Variants in RAP2B observed in about 807,000 individuals in gnomAD.
The protein encoded by RAP2B is RAP2B, member of RAS oncogene family, also known as ras-related protein Rap-2b.
A neutral mutation model predicts 14.4 loss-of-function variants in RAP2B; 6 were observed. The observed-to-expected ratio is 0.42, with a 90% CI of 0.23 to 0.82. The LOEUF (loss-of-function observed/expected upper bound fraction) is 0.82. Ranked by LOEUF, RAP2B falls within the 40% of genes least tolerant of loss-of-function variation. The pLI, the probability that RAP2B is intolerant of heterozygous loss-of-function variation, is 0.30. For synonymous variants in RAP2B, 118 were observed against 113.2 expected, an observed-to-expected ratio of 1.04 and a Z score of -0.27; for missense variants, 137 against 248.2, an observed-to-expected ratio of 0.55 and a Z score of 3.01.
rs752386691 is a variant in RAP2B, at chr3:153,163,119, C to T, written c.426C>T (p.Phe142=). Residue 142 remains phenylalanine, a synonymous_variant, in exon 1 of 1, where the codon TTC becomes TTT. Coordinates refer to ENST00000323534, the MANE Select transcript of RAP2B (RefSeq NM_002886.4). ...KALAEEWSCP[F]METSAKNKAS... is the part of the protein sequence containing the mutation. ...TGGCTGAGGAGTGGAGCTGCCCCTT[C>T]ATGGAGACGTCGGCCAAAAACAAAG... 6.2e-7 allele frequency: 1 copy of T among 1,613,588 alleles called. No homozygotes were observed. Among genetic ancestry groups the T allele is most frequent in the South Asian group, 1.1e-5 (1 of 91,082 alleles).
rs1713462400 is a variant in RAP2B at position 153,163,274 on chromosome 3, G to A, written c.*29G>A. 1.3e-6 allele frequency: 2 copies of A among 1,500,244 alleles called. No individual in the cohort carries two copies. Among genetic ancestry groups the A allele is most frequent in the East Asian group, 4.9e-5 (2 of 41,078 alleles). The allele number at this position is 1,500,244 out of a possible 1,614,324, so 92.9% of individuals were successfully genotyped here. ...GGCCACCGCGCGCCGGCCGCGCTCTGCGCACAAAAGCCAAACGCATCCGAC... is the reference window on the plus strand; with the variant it reads ...GGCCACCGCGCGCCGGCCGCGCTCTACGCACAAAAGCCAAACGCATCCGAC... On this transcript the variant is annotated 3_prime_UTR_variant, in exon 1 of 1. Coordinates refer to ENST00000323534, the MANE Select transcript of RAP2B (RefSeq NM_002886.4).
chr3:153,162,629 C>G lies in RAP2B; in HGVS notation c.-65C>G, dbSNP rs1713441188. On this transcript the variant is annotated 5_prime_UTR_variant, in exon 1 of 1. Coordinates refer to ENST00000323534, the MANE Select transcript of RAP2B (RefSeq NM_002886.4). This position sits in a 1 kb window ranked among gnomAD's most constrained non-coding sequence, Gnocchi z 4.9. ...GGAAGAGAAGTCCAGCCGCCAAGCC[C>G]AGCCTTCCCCGGCGCGCAGCCCCGA... The G allele has an allele frequency of 2.7e-6, 4 of 1,505,492 alleles. No homozygotes were observed. The highest frequency in any genetic ancestry group is 3.5e-6 in the Non-Finnish European group (4 of 1,129,588). 93.3% of individuals were successfully genotyped at this position (1,505,492 alleles called of 1,614,324 possible).
chr3:153,166,463 A>G lies in RAP2B; in HGVS notation c.*3218A>G, dbSNP rs1713580303. 6.0e-6 allele frequency: 1 copy of G among 167,054 alleles called. No homozygotes were observed. The highest frequency in any genetic ancestry group is 1.5e-5 in the Non-Finnish European group (1 of 68,104). The allele number at this position is 167,054 out of a possible 1,614,324, so 10.3% of individuals were successfully genotyped here. Reference sequence around the variant, plus strand: ...AAGGCAATCACCTGTCAAAACAGAAATTGGGTGGGAAAGGAGTCTTTATCT... The same window carrying G: ...AAGGCAATCACCTGTCAAAACAGAAGTTGGGTGGGAAAGGAGTCTTTATCT... On this transcript the variant is annotated 3_prime_UTR_variant, in exon 1 of 1. Coordinates refer to ENST00000323534, the MANE Select transcript of RAP2B (RefSeq NM_002886.4).
rs539020873 is a variant in RAP2B at position 153,164,477 on chromosome 3, T to G, written c.*1232T>G. On this transcript the variant is annotated 3_prime_UTR_variant, in exon 1 of 1. Coordinates refer to ENST00000323534, the MANE Select transcript of RAP2B (RefSeq NM_002886.4). ...CAGCCTTTAAAATGTAATTTCCATC[T>G]CTTGCAATGAATTTGTTTCCCTTTT... is the stretch of plus-strand genomic sequence containing the variant. 1.9e-4 allele frequency: 32 copies of G among 167,238 alleles called. No homozygotes were observed. Among genetic ancestry groups the G allele is most frequent in the Admixed American group, 6.5e-4 (10 of 15,314 alleles). 10.4% of individuals were successfully genotyped at this position (167,238 alleles called of 1,614,324 possible). A position where few individuals can be genotyped will look rare whatever the true frequency, so the allele number is the denominator to read the frequency against.
chr3:153,164,599 G>A lies in RAP2B; in HGVS notation c.*1354G>A, dbSNP rs957186986. 1.2e-5 allele frequency: 2 copies of A among 166,858 alleles called. No homozygotes were observed. The highest frequency in any genetic ancestry group is 1.3e-4 in the Admixed American group (2 of 15,262). 10.3% of individuals were successfully genotyped at this position (166,858 alleles called of 1,614,324 possible). A position where few individuals can be genotyped will look rare whatever the true frequency, so the allele number is the denominator to read the frequency against. On this transcript the variant is annotated 3_prime_UTR_variant, in exon 1 of 1. Coordinates refer to ENST00000323534, the MANE Select transcript of RAP2B (RefSeq NM_002886.4). The stretch of plus-strand genomic sequence containing the variant: ...CCTGTTGTAGGGTGTTCCTCCAGAA[G>A]CAAAGAGCAAAATTTTACTGTTGTG...
rs930105521 is a variant in RAP2B, at chr3:153,165,872, G to T, written c.*2627G>T. ...AAAGTAGATCCAAAGTGTTAAAAATGCTGAAGTCATGTCAAGTACTGTCTG... is the reference window on the plus strand; with the variant it reads ...AAAGTAGATCCAAAGTGTTAAAAATTCTGAAGTCATGTCAAGTACTGTCTG... On this transcript the variant is annotated 3_prime_UTR_variant, in exon 1 of 1. Coordinates refer to ENST00000323534, the MANE Select transcript of RAP2B (RefSeq NM_002886.4). 6.0e-6 allele frequency: 1 copy of T among 167,088 alleles called. No homozygotes were observed. The allele number at this position is 167,088 out of a possible 1,614,324, so 10.4% of individuals were successfully genotyped here. A position where few individuals can be genotyped will look rare whatever the true frequency, so the allele number is the denominator to read the frequency against.
In RAP2B at chr3:153,163,417, G is replaced by C; in HGVS notation, c.*172G>C. On this transcript the variant is annotated 3_prime_UTR_variant, in exon 1 of 1. Coordinates refer to ENST00000323534, the MANE Select transcript of RAP2B (RefSeq NM_002886.4). ...CGTCCCCTGCCTCCACCCTGTGCCC[G>C]AGGGGGTGTCCGGTCCTGCCCATCC... 1.2e-6 allele frequency: 1 copy of C among 846,708 alleles called. No individual in the cohort carries two copies. The highest frequency in any genetic ancestry group is 2.7e-5 in the East Asian group (1 of 36,796). The allele number at this position is 846,708 out of a possible 1,614,324, so 52.4% of individuals were successfully genotyped here. A position where few individuals can be genotyped will look rare whatever the true frequency, so the allele number is the denominator to read the frequency against.
Position 153,162,998 on chromosome 3 carries a change from G to C in RAP2B, c.305G>C (p.Arg102Pro). Residue 102 changes from arginine (R) to proline (P), a missense_variant, in exon 1 of 1, where the codon CGC becomes CCC. Transcript: ENST00000323534. This position sits in a 1 kb window ranked among gnomAD's most constrained non-coding sequence, Gnocchi z 4.9. Reference sequence around the variant, plus strand: ...AAGCCCATGCGGGACCAGATCATCCGCGTGAAGCGGTACGAGCGCGTGCCC... The same window carrying C: ...AAGCCCATGCGGGACCAGATCATCCCCGTGAAGCGGTACGAGCGCGTGCCC... The part of the protein sequence containing the change: ...DIKPMRDQII[R>P]VKRYERVPMI... The C allele has an allele frequency of 6.2e-7, 1 of 1,614,184 alleles. No individual in the cohort carries two copies. The highest frequency in any genetic ancestry group is 8.5e-7 in the Non-Finnish European group (1 of 1,180,046).
rs1288988940 is a variant in RAP2B, at chr3:153,164,054, AATGGTAGT to A, written c.*812_*819del. The A allele has an allele frequency of 1.8e-5, 3 of 166,284 alleles. No individual in the cohort carries two copies. In the East Asian group the frequency reaches 5.8e-4, roughly 32 times the overall value. 10.3% of individuals were successfully genotyped at this position (166,284 alleles called of 1,614,324 possible). ...TGTATCAAAGGGGAGTCTGGGGGAG[AATGGTAGT>A]ATTTTTTTTTTTTATCAGCTGTGAA... is the stretch of plus-strand genomic sequence containing the variant. On this transcript the variant is annotated 3_prime_UTR_variant, in exon 1 of 1. Transcript: ENST00000323534.
chr3:153,166,485 A>T lies in RAP2B; in HGVS notation c.*3240A>T, dbSNP rs1027329388. On this transcript the variant is annotated 3_prime_UTR_variant, in exon 1 of 1. Transcript: ENST00000323534. ...GAAATTGGGTGGGAAAGGAGTCTTT[A>T]TCTTGGGGAGCAAAAGCTGACTTTT... The T allele has an allele frequency of 1.2e-5, 2 of 167,048 alleles. No homozygotes were observed. Among genetic ancestry groups the T allele is most frequent in the African/African-American group, 4.8e-5 (2 of 41,460 alleles). 10.3% of individuals were successfully genotyped at this position (167,048 alleles called of 1,614,324 possible).
At position 153,163,444 on chromosome 3, in the gene RAP2B, A is replaced by G. The variant is rs1415121547; in HGVS notation, c.*199A>G. On this transcript the variant is annotated 3_prime_UTR_variant, in exon 1 of 1. Transcript: ENST00000323534. ...GGGGGTGTCCGGTCCTGCCCATCCG[A>G]TACTCTGGTGGAAATGTGGCTCTTT... is the stretch of plus-strand genomic sequence containing the variant. 3.0e-6 allele frequency: 2 copies of G among 662,578 alleles called. No individual in the cohort carries two copies. The highest frequency in any genetic ancestry group is 5.1e-6 in the Non-Finnish European group (2 of 392,110). 41.0% of individuals were successfully genotyped at this position (662,578 alleles called of 1,614,324 possible). A position where few individuals can be genotyped will look rare whatever the true frequency, so the allele number is the denominator to read the frequency against.
chr3:153,167,093 G>T lies in RAP2B; in HGVS notation c.*3848G>T. The stretch of plus-strand genomic sequence containing the variant: ...ACTGTTAAAACGATACCAGACATTT[G>T]TCACAGTGTCTTATTTGGGGAAAGT... On this transcript the variant is annotated 3_prime_UTR_variant, in exon 1 of 1. Transcript: ENST00000323534. 1 of 167,124 alleles carries T rather than the reference G, an allele frequency of 6.0e-6. No homozygotes were observed. 10.4% of individuals were successfully genotyped at this position (167,124 alleles called of 1,614,324 possible). A position where few individuals can be genotyped will look rare whatever the true frequency, so the allele number is the denominator to read the frequency against.
Position 153,163,606 on chromosome 3 carries a change from A to T in RAP2B, c.*361A>T. 1.2e-5 allele frequency: 2 copies of T among 173,528 alleles called. No individual in the cohort carries two copies. The highest frequency in any genetic ancestry group is 2.6e-5 in the Non-Finnish European group (2 of 76,862). 10.7% of individuals were successfully genotyped at this position (173,528 alleles called of 1,614,324 possible). On this transcript the variant is annotated 3_prime_UTR_variant, in exon 1 of 1. Coordinates refer to ENST00000323534, the MANE Select transcript of RAP2B (RefSeq NM_002886.4). ...GAAAAAAAATGGGGGGGAAGGGTGGATGAAAAGGAGGGAGAGAAGGTGGAA... is the reference window on the plus strand; with the variant it reads ...GAAAAAAAATGGGGGGGAAGGGTGGTTGAAAAGGAGGGAGAGAAGGTGGAA...
chr3:153,164,300 C>T lies in RAP2B; in HGVS notation c.*1055C>T, dbSNP rs1457041729. 6.0e-6 allele frequency: 1 copy of T among 167,066 alleles called. No homozygotes were observed. The highest frequency in any genetic ancestry group is 2.4e-5 in the African/African-American group (1 of 41,438). The allele number at this position is 167,066 out of a possible 1,614,324, so 10.3% of individuals were successfully genotyped here. Reference sequence around the variant, plus strand: ...CTGTGTCTGCAGAGTGCCTTCAAAACTCAGCTGTTCCAGCCGGTGCCAACC... The same window carrying T: ...CTGTGTCTGCAGAGTGCCTTCAAAATTCAGCTGTTCCAGCCGGTGCCAACC... On this transcript the variant is annotated 3_prime_UTR_variant, in exon 1 of 1. Coordinates refer to ENST00000323534, the MANE Select transcript of RAP2B (RefSeq NM_002886.4).
chr3:153,167,608 G>T lies in RAP2B; in HGVS notation c.*4363G>T, dbSNP rs534976580. 6.0e-6 allele frequency: 1 copy of T among 167,084 alleles called. No homozygotes were observed. The highest frequency in any genetic ancestry group is 6.5e-5 in the Admixed American group (1 of 15,298). 10.4% of individuals were successfully genotyped at this position (167,084 alleles called of 1,614,324 possible). The stretch of plus-strand genomic sequence containing the variant: ...ACATTTTGGAGTGCTGTCTACTACA[G>T]TTAGAGAATAATCTCTATTGAAATC... On this transcript the variant is annotated 3_prime_UTR_variant, in exon 1 of 1. Transcript: ENST00000323534.
chr3:153,167,120 T>A lies in RAP2B; in HGVS notation c.*3875T>A, dbSNP rs1713601913. 3 of 167,088 alleles carry A rather than the reference T, an allele frequency of 1.8e-5. No individual in the cohort carries two copies. The allele number at this position is 167,088 out of a possible 1,614,324, so 10.4% of individuals were successfully genotyped here. On this transcript the variant is annotated 3_prime_UTR_variant, in exon 1 of 1. Coordinates refer to ENST00000323534, the MANE Select transcript of RAP2B (RefSeq NM_002886.4). ...CACAGTGTCTTATTTGGGGAAAGTT[T>A]GCTAATATACATTTTGTCTGTGAAA...
rs1317173379 is a variant in RAP2B at position 153,170,322 on chromosome 3, G to T, written c.*7077G>T. The T allele has an allele frequency of 6.6e-6, 1 of 152,162 alleles. No individual in the cohort carries two copies. The highest frequency in any genetic ancestry group is 1.5e-5 in the Non-Finnish European group (1 of 68,024). The allele number at this position is 152,162 out of a possible 1,614,324, so 9.4% of individuals were successfully genotyped here. A position where few individuals can be genotyped will look rare whatever the true frequency, so the allele number is the denominator to read the frequency against. ...TGGAAATTGGTAAACAGCTGAAATT[G>T]ATTCATTGATTATTCAACACTTATT... is the stretch of plus-strand genomic sequence containing the variant. On this transcript the variant is annotated 3_prime_UTR_variant, in exon 1 of 1. Transcript: ENST00000323534.
rs1383243667 is a variant in RAP2B at position 153,169,692 on chromosome 3, C to T, written c.*6447C>T. ...AACTTCTGACCTTGTGCTCCACCCA[C>T]CTCAGCCTCCCAAGAGTTGGGATTA... is the stretch of plus-strand genomic sequence containing the variant. On this transcript the variant is annotated 3_prime_UTR_variant, in exon 1 of 1. Coordinates refer to ENST00000323534, the MANE Select transcript of RAP2B (RefSeq NM_002886.4). The T allele has an allele frequency of 2.0e-5, 3 of 152,236 alleles. No homozygotes were observed. The highest frequency in any genetic ancestry group is 7.2e-5 in the African/African-American group (3 of 41,442). The allele number at this position is 152,236 out of a possible 1,614,324, so 9.4% of individuals were successfully genotyped here.
chr3:153,167,659 T>A lies in RAP2B; in HGVS notation c.*4414T>A, dbSNP rs1021051647. 1 of 167,140 alleles carries A rather than the reference T, an allele frequency of 6.0e-6. No individual in the cohort carries two copies. 10.4% of individuals were successfully genotyped at this position (167,140 alleles called of 1,614,324 possible). ...TAAGCTAAAGAGGACATATACCATTTATACTAAGACTAACTGTTGTGTGTG... is the reference window on the plus strand; with the variant it reads ...TAAGCTAAAGAGGACATATACCATTAATACTAAGACTAACTGTTGTGTGTG... On this transcript the variant is annotated 3_prime_UTR_variant, in exon 1 of 1. Coordinates refer to ENST00000323534, the MANE Select transcript of RAP2B (RefSeq NM_002886.4).
Sources: gnomAD v4.1 joint callset for allele counts on GRCh38, gnomAD v4.1.1 for gene constraint, Gnocchi (gnomAD v3.1) non-coding constraint, MANE v1.5 for transcripts, NCBI Gene and HGNC (gene_info 2026-07-23, HGNC 2026-07-21) for gene names.